Variants in WDR72 observed in about 807,000 individuals in gnomAD.
WDR72 encodes the protein WD repeat-containing protein 72.
A neutral mutation model predicts 124.2 loss-of-function variants in WDR72; 120 were observed. That is an observed-to-expected ratio of 0.97 (90% CI 0.83 to 1.12). The LOEUF (loss-of-function observed/expected upper bound fraction) is 1.12, where lower values mean the gene tolerates loss of function less well. Among genes scored for constraint, WDR72 ranks in the 50% most tolerant of loss-of-function variants. The probability of loss-of-function intolerance (pLI) is 0.00; values close to 1 mark genes in which losing one functional copy is unlikely to be tolerated. For synonymous variants in WDR72, 452 were observed against 441.7 expected, an observed-to-expected ratio of 1.02 and a Z score of -0.29; for missense variants, 1,387 against 1,278.8, an observed-to-expected ratio of 1.08 and a Z score of -1.29.
chr15:53,548,187 A>T (rs879768439), intron 18 of WDR72, among the ~76,000 whole-genome samples: 2 of 152,182 alleles, frequency 1.3e-5, no homozygotes, highest in Non-Finnish European at 2.9e-5. Context: ...CTTCTACCTA[A>T]ATCATCTTTT....
intron 2 of WDR72, among the ~76,000 whole-genome samples, chr15:53,731,152 C>A (rs1169058927): frequency 6.6e-6 from 1 of 152,114 alleles, no homozygotes; most frequent in Non-Finnish European, 1.5e-5. Context: ...CAACTTAAAT[C>A]TCCTCTATAG....
chr15:53,520,860 A>G (rs1166780348), intron 19 of WDR72, among the ~76,000 whole-genome samples: 1 of 152,074 alleles, frequency 6.6e-6, no homozygotes, highest in African/African-American at 2.4e-5. Context: ...TCCATGTTCA[A>G]TTTTAAGAAT....
chr15:53,609,296 C>T (rs1352852907), intron 17 of WDR72, among the ~76,000 whole-genome samples: 1 of 152,112 alleles, frequency 6.6e-6, no homozygotes, highest in African/African-American at 2.4e-5. Context: ...ATAGCAAGAA[C>T]CTCCCTCCCT....
intron 10 of WDR72, 22 bp downstream of exon 10, chr15:53,705,905 C>T (rs767588272): frequency 1.2e-6 from 2 of 1,613,730 alleles, no homozygotes; most frequent in Admixed American, 3.3e-5. Context: ...AGACATGTTA[C>T]TAGAAAAGGA....
intron 14 of WDR72, among the ~76,000 whole-genome samples, chr15:53,641,200 A>T (rs2014836034): frequency 6.6e-6 from 1 of 152,088 alleles, no homozygotes; most frequent in Admixed American, 6.6e-5. Flanking sequence ...AGTTATACAA[A>T]AGCCTTTTAT....
chr15:53,709,041 A>G (rs1468402126), intron 9 of WDR72, among the ~76,000 whole-genome samples: 1 of 152,220 alleles, frequency 6.6e-6, no homozygotes, highest in African/African-American at 2.4e-5. Flanking sequence ...CTATGGTATT[A>G]CTCCAAAAAA....
At position 53,697,352 on chromosome 15, in the gene WDR72, G is replaced by A. The variant is rs886396009; in HGVS notation, c.1765+2398C>T. ...TGCCCTTCCTCTCTCACTTTCAGTG[G>A]ATTAAATTAATGGAGGTGACTGCAG... is the stretch of plus-strand genomic sequence containing the variant. On this transcript the variant is annotated intron_variant, in intron 13 of 19. Transcript: ENST00000360509. Among the ~76,000 whole-genome samples, 33 of 152,232 alleles carry A rather than the reference G, an allele frequency of 2.2e-4. No homozygotes were observed. The East Asian group carries it at 6.4e-3, about 29-fold the overall frequency.
intron 13 of WDR72, among the ~76,000 whole-genome samples, chr15:53,675,266 C>T (rs1279541029): frequency 6.6e-6 from 1 of 151,256 alleles, no homozygotes; most frequent in African/African-American, 2.4e-5. Context: ...TCGCTTGAAC[C>T]TGGAAGGCGG....
At chr15:53,582,395 T>C (rs910484076) in intron 18 of WDR72, among the ~76,000 whole-genome samples, 1 of 152,104 alleles carries the variant, frequency 6.6e-6, no homozygotes, top group African/African-American at 2.4e-5. Context: ...GGTGGAATCC[T>C]ATCCTTCATA....
chr15:53,534,137 T>C lies in WDR72; in HGVS notation c.3149-10815A>G, dbSNP rs118029032. 3.6e-3 allele frequency among the ~76,000 whole-genome samples: 544 copies of C among 152,264 alleles called. 1 individual carries two copies. Among genetic ancestry groups the C allele is most frequent in the Non-Finnish European group, 5.7e-3 (387 of 68,012 alleles). On this transcript the variant is annotated intron_variant, in intron 18 of 19. Coordinates refer to ENST00000360509, the MANE Select transcript of WDR72 (RefSeq NM_182758.4). ...TGACCCAGTGTGTCAGTTTCTGTCATCTTTAGCTTATCTCAGACACCAGGA... is the reference window on the plus strand; with the variant it reads ...TGACCCAGTGTGTCAGTTTCTGTCACCTTTAGCTTATCTCAGACACCAGGA...
chr15:53,583,696 C>T (rs1365577866), intron 18 of WDR72, among the ~76,000 whole-genome samples: 3 of 152,002 alleles, frequency 2.0e-5, no homozygotes, highest in Non-Finnish European at 4.4e-5. Context: ...TTTGTCATCA[C>T]CTTCTGAAAC....
chr15:53,515,582 T>G lies in WDR72; in HGVS notation c.*2117A>C, dbSNP rs1891416062. The G allele has an allele frequency of 6.6e-6, 1 of 152,188 alleles. No homozygotes were observed. Among genetic ancestry groups the G allele is most frequent in the Non-Finnish European group, 1.5e-5 (1 of 68,022 alleles). The allele number at this position is 152,188 out of a possible 1,614,324, so 9.4% of individuals were successfully genotyped here. On this transcript the variant is annotated 3_prime_UTR_variant, in exon 20 of 20. Transcript: ENST00000360509. Reference sequence around the variant, plus strand: ...ATGGTATGATATTGGCCTTCAGAATTCATATTGATAAAAGCAAACCTTAGT... The same window carrying G: ...ATGGTATGATATTGGCCTTCAGAATGCATATTGATAAAAGCAAACCTTAGT...
At chr15:53,687,436 C>G (rs1340988577) in intron 13 of WDR72, among the ~76,000 whole-genome samples, 3 of 151,456 alleles carry the variant, frequency 2.0e-5, no homozygotes, top group African/African-American at 7.3e-5. Context: ...ACAAACACCT[C>G]TATTCAAATA....
At chr15:53,692,458 T>C (rs765701587) in intron 13 of WDR72, among the ~76,000 whole-genome samples, 8 of 152,164 alleles carry the variant, frequency 5.3e-5, no homozygotes, top group Non-Finnish European at 8.8e-5. Flanking sequence ...TTAATGTTTA[T>C]TCAGCCCTCG....
intron 18 of WDR72, among the ~76,000 whole-genome samples, chr15:53,540,357 G>A (rs980347358): frequency 2.6e-5 from 4 of 152,032 alleles, no homozygotes; most frequent in African/African-American, 9.7e-5. Flanking sequence ...CTTATTTTCC[G>A]GAGTGACCCC....
At chr15:53,617,546 G>C (rs923838839) in intron 14 of WDR72, among the ~76,000 whole-genome samples, 1 of 151,474 alleles carries the variant, frequency 6.6e-6, no homozygotes, top group African/African-American at 2.4e-5. Flanking sequence ...CAAATTATAA[G>C]AGCAAATTTG....
chr15:53,631,641 C>T (rs899365195), intron 14 of WDR72, among the ~76,000 whole-genome samples: 16 of 152,088 alleles, frequency 1.1e-4, no homozygotes, highest in Non-Finnish European at 2.1e-4. Flanking sequence ...GTGATATGGA[C>T]GGTGAAGGCC....
chr15:53,733,320 G>C, intron 1 of WDR72, 159 bp from the exon 2 acceptor site: 1 of 748,580 alleles, frequency 1.3e-6, no homozygotes, highest in East Asian at 2.7e-5. Context: ...AGAGAAAGTA[G>C]TCATCAGAAA....
In WDR72 at chr15:53,751,044, C is replaced by T. The variant is rs547455328; in HGVS notation, c.-13+8589G>A. On this transcript the variant is annotated intron_variant, in intron 1 of 19. Transcript: ENST00000360509. Reference sequence around the variant, plus strand: ...AAGTAGCAGGGTTTAAAAGGATTGACTCCAATTTTGGAAAAAGTTCTGCTG... The same window carrying T: ...AAGTAGCAGGGTTTAAAAGGATTGATTCCAATTTTGGAAAAAGTTCTGCTG... 5.3e-5 allele frequency among the ~76,000 whole-genome samples: 8 copies of T among 152,260 alleles called. No homozygotes were observed. The South Asian group carries it at 1.7e-3, about 32-fold the overall frequency.
Sources: gnomAD v4.1 joint callset for allele counts (sites outside exome capture counted in the v4.1 genomes callset) on GRCh38, gnomAD v4.1.1 for gene constraint, MANE v1.5 for transcripts, NCBI Gene and HGNC (gene_info 2026-07-23, HGNC 2026-07-21) for gene names.